NELL1: variants seen among roughly 807,000 people sequenced by gnomAD.
NELL1 encodes neural EGFL like 1.
Under a neutral mutation model 107.4 loss-of-function variants are expected in NELL1, and 76 were observed. The observed-to-expected ratio is 0.71, with a 90% confidence interval of 0.59 to 0.86. The LOEUF (loss-of-function observed/expected upper bound fraction) is 0.86. Ranked by LOEUF, NELL1 falls within the 40% of genes least tolerant of loss-of-function variation. The probability of loss-of-function intolerance (pLI) is 0.00; values close to 1 mark genes in which losing one functional copy is unlikely to be tolerated. For missense variants in NELL1, 1,024 were observed against 1,005.5 expected, an observed-to-expected ratio of 1.02 and a Z score of -0.25; for synonymous variants, 353 against 341.2, an observed-to-expected ratio of 1.03 and a Z score of -0.38.
chr11:21,228,483 A>G (rs1232819968), intron 13 of NELL1, among the ~76,000 whole-genome samples: 1 of 152,154 alleles, frequency 6.6e-6, no homozygotes, highest in Non-Finnish European at 1.5e-5. Context: ...CAGAGGCCTC[A>G]GAGTAAATCC....
intron 2 of NELL1, among the ~76,000 whole-genome samples, chr11:20,684,094 G>A (rs967252941): frequency 4.2e-5 from 6 of 142,840 alleles, no homozygotes; most frequent in Admixed American, 7.1e-5. Flanking sequence ...ATAACTAATT[G>A]ATATTATATT....
intron 15 of NELL1, among the ~76,000 whole-genome samples, chr11:21,456,733 G>A (rs947906042): frequency 2.6e-5 from 4 of 152,042 alleles, no homozygotes; most frequent in African/African-American, 9.7e-5. Flanking sequence ...TACGAAATAA[G>A]GCAGGGCTTG....
At chr11:21,477,608 G>A (rs927120108) in intron 15 of NELL1, among the ~76,000 whole-genome samples, 3 of 151,944 alleles carry the variant, frequency 2.0e-5, no homozygotes, top group Non-Finnish European at 4.4e-5. Context: ...CCTAAACTAT[G>A]AAGAATATAA....
chr11:20,817,544 TAGCTAGC>T (rs1002052432), intron 3 of NELL1, among the ~76,000 whole-genome samples: 4 of 152,000 alleles, frequency 2.6e-5, no homozygotes, highest in African/African-American at 9.7e-5. Flanking sequence ...CTTGTTAGTG[TAGCTAGC>T]AGTCTATCAA....
chr11:21,535,907 T>C (rs1856124453), intron 16 of NELL1, among the ~76,000 whole-genome samples: 1 of 152,152 alleles, frequency 6.6e-6, no homozygotes, highest in African/African-American at 2.4e-5. Context: ...TGTAAATCAA[T>C]GTTATATGAA....
chr11:21,442,499 A>G (rs973233951), intron 15 of NELL1, among the ~76,000 whole-genome samples: 4 of 152,230 alleles, frequency 2.6e-5, no homozygotes, highest in East Asian at 1.9e-4. Context: ...TAAATTAACC[A>G]TAATTAAATA....
intron 14 of NELL1, among the ~76,000 whole-genome samples, chr11:21,272,938 C>T (rs1471306706): frequency 6.6e-6 from 1 of 152,148 alleles, no homozygotes; most frequent in African/African-American, 2.4e-5. Flanking sequence ...GTAGATAAAA[C>T]CACAAAGATG....
intron 13 of NELL1, among the ~76,000 whole-genome samples, chr11:21,133,006 C>T (rs1236332631): frequency 6.6e-6 from 1 of 152,032 alleles, no homozygotes; most frequent in East Asian, 1.9e-4. Context: ...GCAGGTCATC[C>T]CAATGAGTAT....
At chr11:21,465,961 T>G (rs554795360) in intron 15 of NELL1, among the ~76,000 whole-genome samples, 1 of 152,034 alleles carries the variant, frequency 6.6e-6, no homozygotes, top group Non-Finnish European at 1.5e-5. Flanking sequence ...ACACACTACC[T>G]TTCTAACTGC....
At chr11:21,236,793 A>G (rs768456670) in intron 14 of NELL1, among the ~76,000 whole-genome samples, 64 of 152,164 alleles carry the variant, frequency 4.2e-4, no homozygotes, top group Non-Finnish European at 5.9e-4. Flanking sequence ...GGCACTGAAC[A>G]TGCTGGACGG....
At position 21,287,011 on chromosome 11, in the gene NELL1, C is replaced by T. The variant is rs543580656; in HGVS notation, c.1549+57557C>T. ...TCACGTAAAACCTGTGTTGTTGTGC[C>T]TATAAGTGCTTAGTGTATTTTAGAA... On this transcript the variant is annotated intron_variant, in intron 14 of 19. Coordinates refer to ENST00000357134, the MANE Select transcript of NELL1 (RefSeq NM_006157.5). 2.6e-5 allele frequency among the ~76,000 whole-genome samples: 4 copies of T among 152,242 alleles called. No individual in the cohort carries two copies. In the East Asian group the frequency reaches 5.8e-4, roughly 22 times the overall value.
intron 15 of NELL1, among the ~76,000 whole-genome samples, chr11:21,531,665 T>C (rs1436134031): frequency 6.6e-6 from 1 of 152,164 alleles, no homozygotes; most frequent in African/African-American, 2.4e-5. Flanking sequence ...GTTGACACAT[T>C]GTGAGTGCAG....
At chr11:21,550,610 T>C (rs953309939) in intron 16 of NELL1, among the ~76,000 whole-genome samples, 3 of 152,088 alleles carry the variant, frequency 2.0e-5, no homozygotes, top group Non-Finnish European at 4.4e-5. Flanking sequence ...CCTTTCCCCA[T>C]TGCTTGTTTT....
intron 5 of NELL1, among the ~76,000 whole-genome samples, chr11:20,914,721 A>G (rs1343594458): frequency 1.3e-5 from 2 of 152,030 alleles, no homozygotes; most frequent in African/African-American, 4.8e-5. Context: ...GGTTTTCAAG[A>G]GTTAGTAGCC....
At chr11:20,684,672 G>T (rs1214942295) in intron 2 of NELL1, among the ~76,000 whole-genome samples, 1 of 151,996 alleles carries the variant, frequency 6.6e-6, no homozygotes, top group Admixed American at 6.6e-5. Context: ...CTTTGGTACT[G>T]AGCTTTTGTG....
chr11:21,484,339 C>A (rs1353476020), intron 15 of NELL1, among the ~76,000 whole-genome samples: 1 of 151,558 alleles, frequency 6.6e-6, no homozygotes, highest in Non-Finnish European at 1.5e-5. Context: ...TTATATGCAT[C>A]ATCTTTTTAA....
intron 5 of NELL1, among the ~76,000 whole-genome samples, chr11:20,908,519 C>A (rs373994899): frequency 2.0e-5 from 3 of 152,008 alleles, no homozygotes; most frequent in Middle Eastern, 3.4e-3. Flanking sequence ...AACACATGGG[C>A]ACAGAGAGGG....
At chr11:21,244,272 A>G (rs1858435912) in intron 14 of NELL1, among the ~76,000 whole-genome samples, 1 of 152,146 alleles carries the variant, frequency 6.6e-6, no homozygotes, top group African/African-American at 2.4e-5. Flanking sequence ...AGCAGACATA[A>G]TGATTTTCAT....
intron 3 of NELL1, among the ~76,000 whole-genome samples, chr11:20,792,898 T>C (rs979060734): frequency 3.3e-5 from 5 of 151,954 alleles, no homozygotes; most frequent in Non-Finnish European, 7.4e-5. Context: ...ATGCCATAGA[T>C]TTTTCTGTGT....
Sources: gnomAD v4.1 joint callset for allele counts (sites outside exome capture counted in the v4.1 genomes callset) on GRCh38, gnomAD v4.1.1 for gene constraint, MANE v1.5 for transcripts, NCBI Gene and HGNC (gene_info 2026-07-23, HGNC 2026-07-21) for gene names.